Variants in BRSK2 observed in about 807,000 individuals in gnomAD.
BRSK2 encodes serine/threonine-protein kinase BRSK2.
A neutral mutation model predicts 83.3 loss-of-function variants in BRSK2; 19 were observed. The ratio of observed to expected loss-of-function variants is 0.23; its 90% CI spans 0.16 to 0.33. The LOEUF (loss-of-function observed/expected upper bound fraction) is 0.33. Among genes scored for constraint, BRSK2 ranks in the 10% least tolerant of loss-of-function variants. The pLI, the probability that BRSK2 is intolerant of heterozygous loss-of-function variation, is 1.00. For missense variants in BRSK2, 798 were observed against 1,042.3 expected (o/e 0.77, Z 3.23); for synonymous variants, 519 against 435.4 (o/e 1.19, Z -2.39).
In BRSK2 at chr11:1,454,476, A is replaced by G. The variant is rs55744154; in HGVS notation, c.1545-9A>G. The G allele has an allele frequency of 0.14, 229,196 of 1,612,472 alleles. 17,324 individuals are homozygous for G. The highest frequency in any genetic ancestry group is 0.17 in the Middle Eastern group (1,059 of 6,054). The stretch of plus-strand genomic sequence containing the variant: ...TCAATCCTCACAGCCTCTGTCTCCC[A>G]CTGCCCAGGCTGGCGAAGAAGTCCT... On this transcript the variant is annotated splice_polypyrimidine_tract_variant and intron_variant, in intron 15 of 19. Coordinates refer to ENST00000528841, the MANE Select transcript of BRSK2 (RefSeq NM_001256627.2). The surrounding 1 kb of genome is among the most constrained non-coding windows in gnomAD (Gnocchi z 5.2).
chr11:1,423,775 TGGGCGTTCCGGGTGCCCCAGGCCTCCCCC>T lies in BRSK2; in HGVS notation c.92-12263_92-12235del. 6.9e-6 allele frequency among the ~76,000 whole-genome samples: 1 copy of T among 144,716 alleles called. No homozygotes were observed. Among genetic ancestry groups the T allele is most frequent in the Non-Finnish European group, 1.5e-5 (1 of 65,720 alleles). The allele number at this position is 144,716 out of a possible 152,430, so 94.9% of individuals were successfully genotyped here. ...TCCGGGTGCCCCAGGCCTCCCCCGCTGGGCGTTCCGGGTGCCCCAGGCCTCCCCCGCTGGGCGTTCCGGGTGCCCCAGGC... is the reference window on the plus strand; with the variant it reads ...TCCGGGTGCCCCAGGCCTCCCCCGCTGCTGGGCGTTCCGGGTGCCCCAGGC... On this transcript the variant is annotated intron_variant, in intron 1 of 19. Transcript: ENST00000528841. This position sits in a 1 kb window ranked among gnomAD's most constrained non-coding sequence, Gnocchi z 6.5.
Position 1,456,516 on chromosome 11 carries a change from A to G in BRSK2, c.1837A>G (p.Thr613Ala). The change falls in exon 17 of 20, where the codon ACC (threonine) becomes GCC (alanine). Residue 613 changes from threonine to alanine, a missense_variant. Around this residue, in one of 6 missense-constraint regions of BRSK2, gnomAD observed 455 missense variants for 455.2 expected, o/e 1.00. Transcript: ENST00000528841. ...GAACGGCATCTACTCCGTCACCTTC[A>G]CCCTGCTCTCAGGTGAGCTGGCGCC... ...KENGIYSVTF[T>A]LLSGPSRRFK... The G allele has an allele frequency of 6.3e-7, 1 of 1,584,904 alleles. No individual in the cohort carries two copies. The highest frequency in any genetic ancestry group is 8.6e-7 in the Non-Finnish European group (1 of 1,164,800).
intron 12 of BRSK2, among the ~76,000 whole-genome samples, chr11:1,446,993 T>TCCAGCC (rs969711811): frequency 1.3e-5 from 2 of 152,180 alleles, no homozygotes; most frequent in African/African-American, 4.8e-5. Context: ...CTAAACCTGT[T>TCCAGCC]CCAGCCCCAG....
chr11:1,434,981 G>A (rs1168138120), intron 1 of BRSK2, among the ~76,000 whole-genome samples: 2 of 151,844 alleles, frequency 1.3e-5, no homozygotes, highest in Non-Finnish European at 2.9e-5. Context: ...AGAGTGGGGA[G>A]AGGAGAAAGG....
intron 1 of BRSK2, among the ~76,000 whole-genome samples, chr11:1,429,468 G>A (rs554401732): frequency 5.9e-5 from 9 of 152,162 alleles, no homozygotes; most frequent in East Asian, 3.9e-4. Flanking sequence ...GTCTGTGTGC[G>A]TGGCCACACG....
At chr11:1,457,424 C>CT (rs1846734763) in intron 18 of BRSK2, among the ~76,000 whole-genome samples, 4 of 149,684 alleles carry the variant, frequency 2.7e-5, no homozygotes, top group African/African-American at 1.0e-4. Context: ...GAGGGTTGCC[C>CT]CAGCCTGGAA....
In BRSK2 at chr11:1,460,491, T is replaced by G. The variant is rs1332611977; in HGVS notation, c.1988-9T>G. The G allele has an allele frequency of 7.0e-7, 1 of 1,430,408 alleles. No individual in the cohort carries two copies. Among genetic ancestry groups the G allele is most frequent in the Non-Finnish European group, 9.2e-7 (1 of 1,082,848 alleles). The allele number at this position is 1,430,408 out of a possible 1,614,324, so 88.6% of individuals were successfully genotyped here. A position where few individuals can be genotyped will look rare whatever the true frequency, so the allele number is the denominator to read the frequency against. On this transcript the variant is annotated splice_polypyrimidine_tract_variant and intron_variant, in intron 19 of 19. Coordinates refer to ENST00000528841, the MANE Select transcript of BRSK2 (RefSeq NM_001256627.2). ...TTTTTTTTTTTTTGTCTCTGTTCTG[T>G]GTACCCAGGCAGCCCATTGAGTAAC...
At chr11:1,444,214 A>G (rs1851722095) in intron 8 of BRSK2, among the ~76,000 whole-genome samples, 1 of 152,084 alleles carries the variant, frequency 6.6e-6, no homozygotes, top group Admixed American at 6.5e-5. Context: ...GGCAGCGTGA[A>G]TAGTTCTGCT....
intron 1 of BRSK2, among the ~76,000 whole-genome samples, chr11:1,420,870 C>T (rs1199283303): frequency 6.6e-6 from 1 of 152,214 alleles, no homozygotes; most frequent in Non-Finnish European, 1.5e-5. Flanking sequence ...GTTTTTCCAC[C>T]TGACCTTAAG....
Position 1,443,578 on chromosome 11 carries a change from C to T in BRSK2, c.723C>T (p.Pro241=), listed in dbSNP as rs560258228. 114 of 1,610,496 alleles carry T rather than the reference C, an allele frequency of 7.1e-5. No individual in the cohort carries two copies. The South Asian group carries it at 1.1e-3, about 15-fold the overall frequency. The change falls in exon 8 of 20, where the codon CCC becomes CCT. Residue 241 remains proline (P), a synonymous_variant. Transcript: ENST00000528841. ...TCCACATGCCGCACTTTATCCCGCCCGACTGCCAGAGTCTGCTACGGGGCA... is the reference window on the plus strand; with the variant it reads ...TCCACATGCCGCACTTTATCCCGCCTGACTGCCAGAGTCTGCTACGGGGCA... ...GVFHMPHFIP[P]DCQSLLRGMI...
At chr11:1,449,993 C>T (rs1845610363) in intron 13 of BRSK2, among the ~76,000 whole-genome samples, 157 bp downstream of exon 13, 1 of 152,166 alleles carries the variant, frequency 6.6e-6, no homozygotes, top group African/African-American at 2.4e-5. Context: ...CTCTGTGGCG[C>T]AGGCTGCTCT....
At chr11:1,450,926 G>T in intron 14 of BRSK2, 132 bp downstream of exon 14, 1 of 868,100 alleles carries the variant, frequency 1.2e-6, no homozygotes, top group South Asian at 1.8e-5. Context: ...GCCTGCCCAC[G>T]TCTCACTGTC....
At chr11:1,398,397 C>T (rs934487212) in intron 1 of BRSK2, among the ~76,000 whole-genome samples, 2 of 152,102 alleles carry the variant, frequency 1.3e-5, no homozygotes, top group Non-Finnish European at 1.5e-5. Context: ...TTATCTTGTG[C>T]GGACAGAGGT....
At chr11:1,399,006 G>A (rs2134037347) in intron 1 of BRSK2, among the ~76,000 whole-genome samples, 1 of 152,324 alleles carries the variant, frequency 6.6e-6, no homozygotes, top group Non-Finnish European at 1.5e-5. Context: ...CAGCCCCGTG[G>A]TGACTTCTTG....
chr11:1,454,422 G>T lies in BRSK2; in HGVS notation c.1545-63G>T. 1 of 1,586,022 alleles carries T rather than the reference G, an allele frequency of 6.3e-7. No individual in the cohort carries two copies. Among genetic ancestry groups the T allele is most frequent in the Non-Finnish European group, 8.6e-7 (1 of 1,161,948 alleles). ...CCGCCGTTCCAACCCCAGATTCGAG[G>T]GAGGCAGGGGTGTGGACGGTGCCAC... On this transcript the variant is annotated intron_variant, in intron 15 of 19. Coordinates refer to ENST00000528841, the MANE Select transcript of BRSK2 (RefSeq NM_001256627.2). This position sits in a 1 kb window ranked among gnomAD's most constrained non-coding sequence, Gnocchi z 5.2.
intron 2 of BRSK2, among the ~76,000 whole-genome samples, chr11:1,437,606 C>A (rs1018837781): frequency 1.3e-5 from 2 of 152,202 alleles, no homozygotes; most frequent in African/African-American, 4.8e-5. Flanking sequence ...ATGGGGGGCA[C>A]GTGCCCTGCC....
At chr11:1,445,180 G>A (rs1851849137) in intron 9 of BRSK2, 114 bp from the exon 10 acceptor site, 3 of 1,480,046 alleles carry the variant, frequency 2.0e-6, no homozygotes, top group Non-Finnish European at 2.8e-6. Flanking sequence ...CCCCGGGCTG[G>A]GCACAGGGAG....
intron 1 of BRSK2, among the ~76,000 whole-genome samples, chr11:1,392,831 G>T (rs1274113045): frequency 6.6e-6 from 1 of 152,200 alleles, no homozygotes; most frequent in Non-Finnish European, 1.5e-5. Flanking sequence ...TGCAGGGCCA[G>T]TGTGGCTGTA....
chr11:1,446,091 A>G (rs373390805), intron 12 of BRSK2, among the ~76,000 whole-genome samples, 184 bp downstream of exon 12: 103 of 89,580 alleles, frequency 1.1e-3, no homozygotes, highest in South Asian at 2.3e-3. Context: ...GGCTGGGCTT[A>G]GCTGGGCTGG....
Sources: gnomAD v4.1 joint callset for allele counts (sites outside exome capture counted in the v4.1 genomes callset) on GRCh38, gnomAD v4.1.1 for gene constraint, gnomAD v4.1.1 regional missense constraint, Gnocchi (gnomAD v3.1) non-coding constraint, MANE v1.5 for transcripts, NCBI Gene and HGNC (gene_info 2026-07-23, HGNC 2026-07-21) for gene names.